The following AXIN1 variants were observed in gnomAD, a reference collection of about 807,000 sequenced individuals.
AXIN1 encodes axin 1.
A neutral mutation model predicts 76.4 loss-of-function variants in AXIN1; 30 were observed. The observed-to-expected ratio is 0.39, with a 90% CI of 0.29 to 0.53. The LOEUF (loss-of-function observed/expected upper bound fraction) is 0.53. Among genes scored for constraint, AXIN1 ranks in the 20% least tolerant of loss-of-function variants. AXIN1 has a pLI of 0.66. For missense variants in AXIN1, 1,140 were observed against 1,198.8 expected (o/e 0.95, Z 0.72); for synonymous variants, 545 against 501.4 (o/e 1.09, Z -1.16).
chr16:315,786 C>CAG (rs2053286321), intron 2 of AXIN1, among the ~76,000 whole-genome samples: 1 of 149,842 alleles, frequency 6.7e-6, no homozygotes, highest in Admixed American at 6.6e-5. Flanking sequence ...TGAGATCACG[C>CAG]CACTGCACTC....
chr16:315,741 T>C (rs2053285131), intron 2 of AXIN1, among the ~76,000 whole-genome samples: 1 of 148,054 alleles, frequency 6.8e-6, no homozygotes, highest in African/African-American at 2.5e-5. Context: ...GGCGGGAGAA[T>C]AGCGTGAACC....
intron 2 of AXIN1, among the ~76,000 whole-genome samples, chr16:341,567 C>T (rs1017188887): frequency 4.6e-5 from 7 of 152,368 alleles, no homozygotes; most frequent in African/African-American, 1.4e-4. Context: ...GGCTCCTGTG[C>T]GGACCGAGTC....
Position 297,215 on chromosome 16 carries a change from C to G in AXIN1, c.1796G>C (p.Gly599Ala). 2 of 1,606,434 alleles carry G rather than the reference C, an allele frequency of 1.2e-6. No individual in the cohort carries two copies. The highest frequency in any genetic ancestry group is 1.7e-6 in the Non-Finnish European group (2 of 1,179,882). The change falls in exon 7 of 11, where the codon GGC becomes GCC. Residue 599 changes from glycine (G) to alanine (A), a missense_variant. Around this residue, in one of 3 missense-constraint regions of AXIN1, gnomAD observed 429 missense variants for 405.8 expected, o/e 1.06. Transcript: ENST00000262320. ...CTTGGCATTTCTTTTGCACGCCACG[C>G]CCACCTTCCCACTGCAAGGGCAAGA... ...SDGLAHSGKV[G>A]VACKRNAKKA...
intron 2 of AXIN1, among the ~76,000 whole-genome samples, chr16:345,751 C>T: frequency 6.6e-6 from 1 of 151,772 alleles, no homozygotes; most frequent in African/African-American, 2.4e-5. Flanking sequence ...TTCTCCAATT[C>T]TTATCGATGC....
chr16:328,023 A>C (rs932158005), intron 2 of AXIN1, among the ~76,000 whole-genome samples: 4 of 152,216 alleles, frequency 2.6e-5, no homozygotes, highest in Admixed American at 1.3e-4. Context: ...CTGAGGCAGA[A>C]TGCCTTAAAG....
chr16:318,042 A>G (rs558802190), intron 2 of AXIN1, among the ~76,000 whole-genome samples: 1 of 151,936 alleles, frequency 6.6e-6, no homozygotes, highest in Non-Finnish European at 1.5e-5. Context: ...TGTAGCCCAC[A>G]GCACACGGCG....
intron 10 of AXIN1, among the ~76,000 whole-genome samples, chr16:288,655 G>A (rs914320118): frequency 1.3e-5 from 2 of 152,226 alleles, no homozygotes; most frequent in African/African-American, 2.4e-5. Context: ...GCTTGTGGAC[G>A]GTGGGAACCA....
chr16:338,115 C>T (rs2053844147), intron 2 of AXIN1, among the ~76,000 whole-genome samples: 1 of 152,238 alleles, frequency 6.6e-6, no homozygotes, highest in Non-Finnish European at 1.5e-5. Context: ...GCCACCATAG[C>T]CCAGCCTGGC....
At chr16:327,129 G>A (rs1410901494) in intron 2 of AXIN1, among the ~76,000 whole-genome samples, 1 of 151,718 alleles carries the variant, frequency 6.6e-6, no homozygotes, top group South Asian at 2.1e-4. Context: ...GCGACAGAGC[G>A]AGGCTCCGTC....
intron 1 of AXIN1, among the ~76,000 whole-genome samples, chr16:347,877 T>C (rs2054064518): frequency 1.3e-5 from 2 of 152,246 alleles, no homozygotes; most frequent in South Asian, 4.1e-4. Flanking sequence ...CACTTGACTC[T>C]GAAAAGCCTC....
In AXIN1 at chr16:287,700, G is replaced by A. The variant is rs538782407; in HGVS notation, c.*422C>T. The stretch of plus-strand genomic sequence containing the variant: ...CTGTGTTGAAGGCACTCGGTGGCGC[G>A]TACAATTGACAGAGGCCCTGCAGGC... On this transcript the variant is annotated 3_prime_UTR_variant, in exon 11 of 11. Transcript: ENST00000262320. 16 of 345,838 alleles carry A rather than the reference G, an allele frequency of 4.6e-5. No individual in the cohort carries two copies. Among genetic ancestry groups the A allele is most frequent in the African/African-American group, 1.2e-4 (6 of 48,892 alleles). 21.4% of individuals were successfully genotyped at this position (345,838 alleles called of 1,614,324 possible).
Position 298,261 on chromosome 16 carries a change from G to A in AXIN1, c.1255-10C>T, listed in dbSNP as rs753368709. ...CCTCACCTTCCTCCTCCTGTGTGGG[G>A]ACAAGCAGCACCATCACCTCTCAGC... On this transcript the variant is annotated splice_polypyrimidine_tract_variant and intron_variant, in intron 5 of 10. Coordinates refer to ENST00000262320, the MANE Select transcript of AXIN1 (RefSeq NM_003502.4). 120 of 1,538,150 alleles carry A rather than the reference G, an allele frequency of 7.8e-5. No homozygotes were observed. The highest frequency in any genetic ancestry group is 1.0e-4 in the Non-Finnish European group (116 of 1,146,968).
intron 1 of AXIN1, among the ~76,000 whole-genome samples, chr16:351,762 A>G (rs1266564215): frequency 6.6e-6 from 1 of 151,980 alleles, no homozygotes; most frequent in African/African-American, 2.4e-5. Flanking sequence ...ATATATATAT[A>G]TCTTATAGAT....
chr16:299,139 C>T (rs1004799987), intron 5 of AXIN1: 5 of 985,400 alleles, frequency 5.1e-6, no homozygotes, highest in East Asian at 1.1e-4. Context: ...TGCTGCCTGA[C>T]GAGCTTCCAC....
chr16:329,235 CCA>C (rs1307499306), intron 2 of AXIN1, among the ~76,000 whole-genome samples: 1 of 144,726 alleles, frequency 6.9e-6, no homozygotes, highest in Non-Finnish European at 1.5e-5. Context: ...TGACATCGCG[CCA>C]CTGCACTCCA....
chr16:318,307 T>G (rs1401676502), intron 2 of AXIN1, among the ~76,000 whole-genome samples: 2 of 152,192 alleles, frequency 1.3e-5, no homozygotes, highest in East Asian at 3.8e-4. Flanking sequence ...TTTCCCATTT[T>G]CCACAAGCTC....
In AXIN1 at chr16:318,865, G is replaced by A. The variant is rs535061378; in HGVS notation, c.879-4182C>T. On this transcript the variant is annotated intron_variant, in intron 2 of 10. Transcript: ENST00000262320. ...ATGCGGCTGGGGCCTTGGTGAGAGCGGCTCTGACCCCTGGCTGTGCAGAGA... is the reference window on the plus strand; with the variant it reads ...ATGCGGCTGGGGCCTTGGTGAGAGCAGCTCTGACCCCTGGCTGTGCAGAGA... 7.9e-5 allele frequency among the ~76,000 whole-genome samples: 12 copies of A among 152,070 alleles called. 3 individuals are homozygous for A. The highest frequency in any genetic ancestry group is 5.2e-4 in the Admixed American group (8 of 15,274).
At chr16:346,011 A>G (rs1022905604) in intron 2 of AXIN1, 137 bp downstream of exon 2, 10 of 820,470 alleles carry the variant, frequency 1.2e-5, no homozygotes, top group African/African-American at 1.0e-4. Context: ...ACAAATAAGA[A>G]CAGAACCAAA....
chr16:327,183 T>C (rs2053602761), intron 2 of AXIN1, among the ~76,000 whole-genome samples: 1 of 151,568 alleles, frequency 6.6e-6, no homozygotes, highest in East Asian at 1.9e-4. Flanking sequence ...GGTCCCAGAA[T>C]ACTCCACCTA....
Sources: gnomAD v4.1 joint callset for allele counts (sites outside exome capture counted in the v4.1 genomes callset) on GRCh38, gnomAD v4.1.1 for gene constraint, gnomAD v4.1.1 regional missense constraint, MANE v1.5 for transcripts, NCBI Gene and HGNC (gene_info 2026-07-23, HGNC 2026-07-21) for gene names.